The following RBFOX1 variants were observed in gnomAD, a reference collection of about 807,000 sequenced individuals.
RBFOX1 encodes RNA binding fox-1 homolog 1, also known as RNA binding protein fox-1 homolog 1.
A neutral mutation model predicts 57.7 loss-of-function variants in RBFOX1; 8 were observed. The observed-to-expected ratio is 0.14, with a 90% CI of 0.08 to 0.25. The LOEUF (loss-of-function observed/expected upper bound fraction) is 0.25, where lower values mean the gene tolerates loss of function less well. RBFOX1 is among the 10% of genes least tolerant of loss of function. The pLI, the probability that RBFOX1 is intolerant of heterozygous loss-of-function variation, is 1.00. For missense variants in RBFOX1, 611 were observed against 548.5 expected, an observed-to-expected ratio of 1.11 and a Z score of -1.14; for synonymous variants, 326 against 222.4, an observed-to-expected ratio of 1.47 and a Z score of -4.15.
intron 4 of RBFOX1, among the ~76,000 whole-genome samples, chr16:7,088,875 G>A (rs1476681135): frequency 6.6e-6 from 1 of 152,146 alleles, no homozygotes. Flanking sequence ...CATCACTGTT[G>A]TTTTTCGTTG....
At chr16:5,521,731 A>G (rs552750444) in intron 2 of RBFOX1, among the ~76,000 whole-genome samples, 77 of 152,326 alleles carry the variant, frequency 5.1e-4, no homozygotes, top group Non-Finnish European at 8.7e-4. Flanking sequence ...GTTAGGGACA[A>G]TGATCTCCTG....
chr16:6,471,413 T>C (rs1597718756), intron 2 of RBFOX1, among the ~76,000 whole-genome samples: 1 of 152,202 alleles, frequency 6.6e-6, no homozygotes, highest in Non-Finnish European at 1.5e-5. Context: ...TAATACTTGT[T>C]TGTTATTTTC....
intron 4 of RBFOX1, among the ~76,000 whole-genome samples, chr16:7,502,383 A>T (rs1418297020): frequency 6.6e-6 from 1 of 152,206 alleles, no homozygotes; most frequent in African/African-American, 2.4e-5. Context: ...GAATAATTAA[A>T]AATACAGGCA....
intron 4 of RBFOX1, among the ~76,000 whole-genome samples, chr16:7,166,319 G>T (rs1299469970): frequency 6.6e-6 from 1 of 152,118 alleles, no homozygotes; most frequent in Non-Finnish European, 1.5e-5. Context: ...CGGCCGGAGT[G>T]GGTAGTCTTT....
At chr16:6,978,260 T>C (rs930575638) in intron 3 of RBFOX1, among the ~76,000 whole-genome samples, 3 of 152,218 alleles carry the variant, frequency 2.0e-5, no homozygotes, top group Admixed American at 2.0e-4. Flanking sequence ...AGCGTGGCTT[T>C]GTACTTGATA....
At chr16:7,369,798 G>C (rs111695151) in intron 4 of RBFOX1, among the ~76,000 whole-genome samples, 2 of 152,140 alleles carry the variant, frequency 1.3e-5, no homozygotes, top group African/African-American at 2.4e-5. Context: ...AATAATTGCA[G>C]TGATCATAAT....
intron 2 of RBFOX1, among the ~76,000 whole-genome samples, chr16:5,547,350 A>T (rs1486665314): frequency 6.6e-6 from 1 of 152,152 alleles, no homozygotes; most frequent in African/African-American, 2.4e-5. Context: ...ACTAGAAACC[A>T]CCCAAATGTC....
At position 7,692,689 on chromosome 16, in the gene RBFOX1, A is replaced by G. The variant is rs949842684; in HGVS notation, c.995+15851A>G. ...GGAAACGTCTTAAGAGAGTTTTATC[A>G]TCTTTCTGGGTTTACTAAAAGTAAA... On this transcript the variant is annotated intron_variant, in intron 14 of 15. Transcript: ENST00000550418. Among the ~76,000 whole-genome samples, 5 of 152,158 alleles carry G rather than the reference A, an allele frequency of 3.3e-5. No homozygotes were observed. The South Asian group carries it at 1.0e-3, about 32-fold the overall frequency.
intron 5 of RBFOX1, among the ~76,000 whole-genome samples, chr16:7,541,414 A>T (rs567160241): frequency 2.6e-5 from 4 of 151,944 alleles, no homozygotes; most frequent in Admixed American, 6.6e-5. Context: ...CCTTTCTGCT[A>T]TGACATCTTC....
At chr16:6,121,693 T>G (rs2096550976) in intron 1 of RBFOX1, among the ~76,000 whole-genome samples, 1 of 152,082 alleles carries the variant, frequency 6.6e-6, no homozygotes, top group African/African-American at 2.4e-5. Context: ...GGGGAGCTCT[T>G]AAGGTCAAGG....
chr16:5,783,037 A>T (rs1470215045), intron 3 of RBFOX1, among the ~76,000 whole-genome samples: 2 of 152,184 alleles, frequency 1.3e-5, no homozygotes, highest in Admixed American at 6.5e-5. Flanking sequence ...ACCCTCATGG[A>T]CACACCCAGA....
intron 3 of RBFOX1, among the ~76,000 whole-genome samples, chr16:5,755,994 G>A (rs985731235): frequency 3.3e-5 from 5 of 152,060 alleles, no homozygotes; most frequent in African/African-American, 1.2e-4. Flanking sequence ...AGACCTCAGA[G>A]GTCATGGTGA....
chr16:5,933,455 G>C (rs1363160609), intron 4 of RBFOX1, among the ~76,000 whole-genome samples: 2 of 152,128 alleles, frequency 1.3e-5, no homozygotes, highest in African/African-American at 4.8e-5. Context: ...CCGTTTTGAG[G>C]GATCTCTTTA....
chr16:5,738,900 G>A (rs1444300289), intron 3 of RBFOX1, among the ~76,000 whole-genome samples: 2 of 152,172 alleles, frequency 1.3e-5, no homozygotes, highest in Non-Finnish European at 2.9e-5. Flanking sequence ...CAAACAACCA[G>A]GGAAGATGGA....
intron 4 of RBFOX1, among the ~76,000 whole-genome samples, chr16:7,177,656 A>G (rs2081947653): frequency 6.6e-6 from 1 of 152,132 alleles, no homozygotes; most frequent in Non-Finnish European, 1.5e-5. Context: ...AGATTGAACC[A>G]GGAGGTAGGG....
At chr16:6,521,053 T>C (rs1485446713) in intron 2 of RBFOX1, among the ~76,000 whole-genome samples, 1 of 152,186 alleles carries the variant, frequency 6.6e-6, no homozygotes, top group African/African-American at 2.4e-5. Context: ...TTAGATCCTT[T>C]AATCAAGCAA....
intron 1 of RBFOX1, among the ~76,000 whole-genome samples, chr16:5,415,868 G>A (rs892795707): frequency 5.9e-5 from 9 of 152,136 alleles, no homozygotes; most frequent in Non-Finnish European, 4.4e-5. Flanking sequence ...GGTTATAAAG[G>A]CCGGTTTCCC....
intron 3 of RBFOX1, among the ~76,000 whole-genome samples, chr16:5,866,474 A>G (rs945010369): frequency 2.6e-5 from 4 of 152,366 alleles, no homozygotes; most frequent in Non-Finnish European, 4.4e-5. Context: ...TCATCCAGGT[A>G]TAAGAGAAGT....
At chr16:6,636,657 C>G (rs1228090452) in intron 2 of RBFOX1, among the ~76,000 whole-genome samples, 3 of 150,006 alleles carry the variant, frequency 2.0e-5, no homozygotes, top group Admixed American at 6.7e-5. Flanking sequence ...TGCGAAATGC[C>G]TCAACCGAGC....
Sources: gnomAD v4.1 joint callset for allele counts (sites outside exome capture counted in the v4.1 genomes callset) on GRCh38, gnomAD v4.1.1 for gene constraint, MANE v1.5 for transcripts, NCBI Gene and HGNC (gene_info 2026-07-23, HGNC 2026-07-21) for gene names.